The following PCP4L1 variants were observed in gnomAD, a reference collection of about 807,000 sequenced individuals.
PCP4L1 encodes Purkinje cell protein 4-like protein 1.
A neutral mutation model predicts 9.6 loss-of-function variants in PCP4L1; 9 were observed. The ratio of observed to expected loss-of-function variants is 0.94; its 90% CI spans 0.57 to 1.64. The LOEUF (loss-of-function observed/expected upper bound fraction) is 1.64, where lower values mean the gene tolerates loss of function less well. Among genes scored for constraint, PCP4L1 ranks in the 40% most tolerant of loss-of-function variants. The probability of loss-of-function intolerance (pLI) is 0.00; values close to 1 mark genes in which losing one functional copy is unlikely to be tolerated. For missense variants in PCP4L1, 81 were observed against 80.8 expected, an observed-to-expected ratio of 1.00 and a Z score of -0.01; for synonymous variants, 31 against 28.2, an observed-to-expected ratio of 1.10 and a Z score of -0.31.
intron 1 of PCP4L1, among the ~76,000 whole-genome samples, chr1:161,264,739 G>A (rs1424177794): frequency 1.3e-5 from 2 of 152,108 alleles, no homozygotes; most frequent in Admixed American, 6.6e-5. Context: ...TGAAGTAGGA[G>A]GATCTCTTGA....
intron 1 of PCP4L1, among the ~76,000 whole-genome samples, chr1:161,265,192 G>A (rs778210642): frequency 2.6e-5 from 4 of 152,116 alleles, no homozygotes; most frequent in African/African-American, 7.2e-5. Flanking sequence ...GTCCTCTTTC[G>A]TTTGGCCGTT....
In PCP4L1 at chr1:161,282,571, A is replaced by T. The variant is rs112804209; in HGVS notation, c.10-1097A>T. Among the ~76,000 whole-genome samples the T allele has an allele frequency of 1.9e-3, 289 of 152,266 alleles. 1 individual carries two copies. Among genetic ancestry groups the T allele is most frequent in the African/African-American group, 6.6e-3 (276 of 41,550 alleles). ...CTATCCATATATCAATAGCTCCCTAACTGATATCTATAGCCCAGGCCCTTC... is the reference window on the plus strand; with the variant it reads ...CTATCCATATATCAATAGCTCCCTATCTGATATCTATAGCCCAGGCCCTTC... On this transcript the variant is annotated intron_variant, in intron 1 of 2. Coordinates refer to ENST00000504449, the MANE Select transcript of PCP4L1 (RefSeq NM_001102566.2).
chr1:161,274,257 AT>A (rs137880932), intron 1 of PCP4L1, among the ~76,000 whole-genome samples: 4,304 of 152,178 alleles, frequency 0.028, 200 homozygotes, highest in African/African-American at 0.099. Flanking sequence ...AGAAGGAAGG[AT>A]TTCCTAAACC....
At position 161,267,136 on chromosome 1, in the gene PCP4L1, G is replaced by A. The variant is rs17394098; in HGVS notation, c.9+8153G>A. The stretch of plus-strand genomic sequence containing the variant: ...ATGTCAATACAAAGGCAAGGAAAGG[G>A]ATTTTTAAAGGCTAGAATTTAGGAT... On this transcript the variant is annotated intron_variant, in intron 1 of 2. Transcript: ENST00000504449. Among the ~76,000 whole-genome samples the A allele has an allele frequency of 6.7e-3, 1,014 of 152,234 alleles. 3 individuals carry two copies. Among genetic ancestry groups the A allele is most frequent in the Non-Finnish European group, 0.011 (772 of 68,012 alleles).
chr1:161,277,083 T>C (rs1669713037), intron 1 of PCP4L1, among the ~76,000 whole-genome samples: 1 of 152,014 alleles, frequency 6.6e-6, no homozygotes, highest in South Asian at 2.1e-4. Context: ...TGAGACCCCA[T>C]CTCGAACAAA....
At chr1:161,279,124 A>G (rs1458846051) in intron 1 of PCP4L1, among the ~76,000 whole-genome samples, 1 of 152,182 alleles carries the variant, frequency 6.6e-6, no homozygotes, top group Non-Finnish European at 1.5e-5. Context: ...TACAGGCACA[A>G]ACCTGCTTCA....
At chr1:161,259,088 G>C (rs1039654980) in intron 1 of PCP4L1, 105 bp downstream of exon 1, 4 of 1,457,112 alleles carry the variant, frequency 2.7e-6, no homozygotes, top group South Asian at 1.3e-5. Context: ...CCGGAGCCGC[G>C]AAGAACCCTC....
chr1:161,265,276 A>T (rs1669510790), intron 1 of PCP4L1, among the ~76,000 whole-genome samples: 1 of 152,196 alleles, frequency 6.6e-6, no homozygotes, highest in African/African-American at 2.4e-5. Flanking sequence ...CATACCTATT[A>T]TCCCAGCACT....
intron 1 of PCP4L1, among the ~76,000 whole-genome samples, chr1:161,281,267 C>T (rs1395043898): frequency 4.6e-5 from 7 of 152,050 alleles, no homozygotes; most frequent in African/African-American, 4.8e-5. Context: ...AGCAACCATC[C>T]GATTTCTCAA....
chr1:161,279,646 A>G (rs1311899835), intron 1 of PCP4L1, among the ~76,000 whole-genome samples: 1 of 152,214 alleles, frequency 6.6e-6, no homozygotes, highest in Admixed American at 6.5e-5. Flanking sequence ...ATTAGATGAG[A>G]AAACATTTAT....
chr1:161,282,412 G>T (rs1669838358), intron 1 of PCP4L1, among the ~76,000 whole-genome samples: 1 of 146,890 alleles, frequency 6.8e-6, no homozygotes, highest in African/African-American at 2.5e-5. Flanking sequence ...GGGAGAGGGA[G>T]AGGGAGGGGG....
chr1:161,283,832 GT>G, intron 2 of PCP4L1, 110 bp downstream of exon 2: 1 of 1,109,892 alleles, frequency 9.0e-7, no homozygotes, highest in Non-Finnish European at 1.3e-6. Context: ...GAATAAGAAT[GT>G]GGATAAGTGA....
At chr1:161,275,146 T>C (rs918034316) in intron 1 of PCP4L1, among the ~76,000 whole-genome samples, 1 of 152,102 alleles carries the variant, frequency 6.6e-6, no homozygotes, top group Non-Finnish European at 1.5e-5. Flanking sequence ...CTGACACACA[T>C]TCCTGCTTAT....
chr1:161,271,316 C>T (rs1228449191), intron 1 of PCP4L1, among the ~76,000 whole-genome samples: 2 of 152,096 alleles, frequency 1.3e-5, no homozygotes, highest in Non-Finnish European at 2.9e-5. Flanking sequence ...TGTTATATAT[C>T]TTTTCATGTG....
intron 1 of PCP4L1, among the ~76,000 whole-genome samples, chr1:161,270,568 T>TTAAAAAAAAAA: frequency 5.3e-5 from 1 of 18,930 alleles, no homozygotes; most frequent in African/African-American, 3.0e-4. Flanking sequence ...GACCCCAGGC[T>TTAAAAAAAAAA]CAAAAAAAAA....
intron 1 of PCP4L1, 110 bp from the exon 2 acceptor site, chr1:161,283,558 G>A: frequency 1.0e-5 from 10 of 957,666 alleles, no homozygotes; most frequent in Non-Finnish European, 1.6e-5. Context: ...AAGACTAAGG[G>A]AATGCACCTG....
chr1:161,270,569 C>CAAAA (rs10530356), intron 1 of PCP4L1, among the ~76,000 whole-genome samples: 28 of 116,586 alleles, frequency 2.4e-4, no homozygotes, highest in Non-Finnish European at 4.3e-4. Flanking sequence ...ACCCCAGGCT[C>CAAAA]AAAAAAAAAA....
At chr1:161,281,086 A>T (rs1571802232) in intron 1 of PCP4L1, among the ~76,000 whole-genome samples, 1 of 152,192 alleles carries the variant, frequency 6.6e-6, no homozygotes. Context: ...AACAAAGCAC[A>T]TCTTGCACCG....
intron 1 of PCP4L1, among the ~76,000 whole-genome samples, chr1:161,278,078 GT>G (rs34750401): frequency 0.049 from 7,517 of 152,062 alleles, 249 homozygotes; most frequent in Non-Finnish European, 0.072. Context: ...TGTATCATCA[GT>G]TTTTTTCTTC....
Sources: allele counts gnomAD v4.1 joint callset (sites outside exome capture counted in the v4.1 genomes callset), GRCh38; gene constraint gnomAD v4.1.1; transcripts MANE v1.5; gene names NCBI Gene and HGNC (gene_info 2026-07-23, HGNC 2026-07-21).